WDR37: variants seen among roughly 807,000 people sequenced by gnomAD.
The protein encoded by WDR37 is WD repeat domain 37.
Under a neutral mutation model 62.9 loss-of-function variants are expected in WDR37, and 19 were observed. The ratio of observed to expected loss-of-function variants is 0.30; its 90% CI spans 0.21 to 0.44. The LOEUF (loss-of-function observed/expected upper bound fraction) is 0.44. Ranked by LOEUF, WDR37 falls within the 20% of genes least tolerant of loss-of-function variation. WDR37 has a pLI of 1.00. For synonymous variants in WDR37, 250 were observed against 260.9 expected, an observed-to-expected ratio of 0.96 and a Z score of 0.40; for missense variants, 474 against 657.6, an observed-to-expected ratio of 0.72 and a Z score of 3.05.
chr10:1,065,216 A>T (rs71491337), intron 1 of WDR37, among the ~76,000 whole-genome samples: 22 of 152,198 alleles, frequency 1.4e-4, no homozygotes, highest in Non-Finnish European at 2.6e-4. Context: ...TGTGGTTCTC[A>T]GTGTATGTGT....
At chr10:1,114,844 T>C (rs1411834736) in intron 11 of WDR37, among the ~76,000 whole-genome samples, 3 of 152,240 alleles carry the variant, frequency 2.0e-5, no homozygotes, top group Non-Finnish European at 4.4e-5. Context: ...CCCAGGGGGC[T>C]GAACCCACAC....
At chr10:1,080,969 A>G (rs1482675930) in intron 5 of WDR37, among the ~76,000 whole-genome samples, 1 of 152,104 alleles carries the variant, frequency 6.6e-6, no homozygotes, top group African/African-American at 2.4e-5. Context: ...TAGTACCTAC[A>G]GGGATTAATA....
At chr10:1,077,412 T>G (rs1418945695) in intron 2 of WDR37, among the ~76,000 whole-genome samples, 1 of 152,200 alleles carries the variant, frequency 6.6e-6, no homozygotes, top group African/African-American at 2.4e-5. Flanking sequence ...CAACACTCTT[T>G]TAGGTGTTAT....
chr10:1,078,022 A>C lies in WDR37; in HGVS notation c.235+19A>C, dbSNP rs755541558. 1 of 1,557,374 alleles carries C rather than the reference A, an allele frequency of 6.4e-7. No individual in the cohort carries two copies. Among genetic ancestry groups the C allele is most frequent in the Middle Eastern group, 1.9e-4 (1 of 5,398 alleles). Reference sequence around the variant, plus strand: ...TTAGAATGTGAGTATCTCCTATTTTAATATACTTTTATAGCTTTACCTATC... The same window carrying C: ...TTAGAATGTGAGTATCTCCTATTTTCATATACTTTTATAGCTTTACCTATC... On this transcript the variant is annotated intron_variant, in intron 3 of 13. Coordinates refer to ENST00000263150, the MANE Select transcript of WDR37 (RefSeq NM_014023.4).
chr10:1,079,890 C>G, intron 3 of WDR37, 121 bp from the exon 4 acceptor site: 1 of 711,114 alleles, frequency 1.4e-6, no homozygotes. Flanking sequence ...GAATATTATT[C>G]ATGTCTTTGT....
In WDR37 at chr10:1,121,437, T is replaced by C. The variant is rs1458007124; in HGVS notation, c.1104-2781T>C. On this transcript the variant is annotated intron_variant, in intron 11 of 13. Coordinates refer to ENST00000263150, the MANE Select transcript of WDR37 (RefSeq NM_014023.4). The surrounding 1 kb of genome is among the most constrained non-coding windows in gnomAD (Gnocchi z 4.5). ...CTCACTGAAGCGTGGCAGCGTCTGATTTATAGTCAAGCTCTCATGTTGTTC... is the reference window on the plus strand; with the variant it reads ...CTCACTGAAGCGTGGCAGCGTCTGACTTATAGTCAAGCTCTCATGTTGTTC... 2.0e-5 allele frequency among the ~76,000 whole-genome samples: 3 copies of C among 152,162 alleles called. No individual in the cohort carries two copies. Among genetic ancestry groups the C allele is most frequent in the African/African-American group, 4.8e-5 (2 of 41,440 alleles).
chr10:1,081,261 G>A (rs984930107), intron 5 of WDR37, among the ~76,000 whole-genome samples: 2 of 152,088 alleles, frequency 1.3e-5, no homozygotes, highest in African/African-American at 2.4e-5. Context: ...AAGTGGAAAG[G>A]GTTTAATTGT....
intron 13 of WDR37, among the ~76,000 whole-genome samples, chr10:1,126,817 G>A (rs182632417): frequency 1.7e-3 from 261 of 152,342 alleles, no homozygotes; most frequent in Non-Finnish European, 2.9e-3. Context: ...CCCTGAGACC[G>A]GGTGTCTCTT....
At position 1,127,765 on chromosome 10, in the gene WDR37, G is replaced by A. The variant is rs997119270; in HGVS notation, c.1354-1448G>A. Among the ~76,000 whole-genome samples, 3 of 152,126 alleles carry A rather than the reference G, an allele frequency of 2.0e-5. No individual in the cohort carries two copies. The East Asian group carries it at 5.8e-4, about 29-fold the overall frequency. On this transcript the variant is annotated intron_variant, in intron 13 of 13. Transcript: ENST00000263150. Reference sequence around the variant, plus strand: ...TCCCTGTGATGTGGAGGCCCGTGGGGCCCCGTGCTGAGCGTCCTGGAGCAC... The same window carrying A: ...TCCCTGTGATGTGGAGGCCCGTGGGACCCCGTGCTGAGCGTCCTGGAGCAC...
rs1345664212 is a variant in WDR37, at chr10:1,125,012, G to A, written c.1341G>A (p.Arg447=). 2 of 1,614,210 alleles carry A rather than the reference G, an allele frequency of 1.2e-6. No individual in the cohort carries two copies. The highest frequency in any genetic ancestry group is 1.7e-6 in the Non-Finnish European group (2 of 1,180,034). The change falls in exon 13 of 14, where the codon CGG becomes CGA. Residue 447 remains arginine, a synonymous_variant. Transcript: ENST00000263150. Reference sequence around the variant, plus strand: ...GAGTGCGCCTGGCGCGGCTTCCCCGGAGCAGCCGACAGGTAACAGCACGGT... The same window carrying A: ...GAGTGCGCCTGGCGCGGCTTCCCCGAAGCAGCCGACAGGTAACAGCACGGT... ...MSGVRLARLP[R]SSRQGHRRMV... is the part of the protein sequence containing the mutation.
intron 9 of WDR37, among the ~76,000 whole-genome samples, chr10:1,100,849 C>T (rs1261625651): frequency 2.0e-5 from 3 of 152,182 alleles, no homozygotes; most frequent in Admixed American, 6.5e-5. Flanking sequence ...GGTGACGTAC[C>T]GAGTACCCCC....
intron 13 of WDR37, among the ~76,000 whole-genome samples, chr10:1,127,477 T>G (rs1835828174): frequency 6.6e-6 from 1 of 152,270 alleles, no homozygotes; most frequent in South Asian, 2.1e-4. Flanking sequence ...TATATTGTCC[T>G]TACTTCTTCA....
At chr10:1,058,701 A>T (rs559254716) in intron 1 of WDR37, among the ~76,000 whole-genome samples, 1 of 152,358 alleles carries the variant, frequency 6.6e-6, no homozygotes, top group South Asian at 2.1e-4. Flanking sequence ...AAGCAGGTTA[A>T]TACTGATGAC....
chr10:1,129,173 G>A, intron 13 of WDR37, 40 bp from the exon 14 acceptor site: 1 of 1,602,372 alleles, frequency 6.2e-7, no homozygotes. Context: ...CTTACTTTCG[G>A]GAATAATGCA....
rs1274876129 is a variant in WDR37 at position 1,121,296 on chromosome 10, T to C, written c.1104-2922T>C. On this transcript the variant is annotated intron_variant, in intron 11 of 13. Transcript: ENST00000263150. This position sits in a 1 kb window ranked among gnomAD's most constrained non-coding sequence, Gnocchi z 4.5. ...AATTTAGCAGAATGTTCACTGAAACTTAACTTGGCCAAACCTCCTGAAGAC... is the reference window on the plus strand; with the variant it reads ...AATTTAGCAGAATGTTCACTGAAACCTAACTTGGCCAAACCTCCTGAAGAC... Among the ~76,000 whole-genome samples the C allele has an allele frequency of 6.6e-6, 1 of 152,202 alleles. No individual in the cohort carries two copies. Among genetic ancestry groups the C allele is most frequent in the African/African-American group, 2.4e-5 (1 of 41,460 alleles).
intron 11 of WDR37, among the ~76,000 whole-genome samples, chr10:1,106,539 C>T (rs1391204196): frequency 3.3e-5 from 5 of 152,122 alleles, no homozygotes; most frequent in Admixed American, 6.5e-5. Context: ...TGTTAATAGA[C>T]GGAGTCTCTT....
chr10:1,124,330 C>T lies in WDR37; in HGVS notation c.1216C>T (p.Arg406Cys). The stretch of plus-strand genomic sequence containing the variant: ...TATGAGATCCCCCATTGCAACTATT[C>T]GCACGGACTCTGCCATTAACAGGTA... ...KNMRSPIATI[R>C]TDSAINRINV... The change falls in exon 12 of 14, where the codon CGC becomes TGC. Residue 406 changes from arginine to cysteine, a missense_variant. Arg to Cys is a radical substitution (Grantham distance 180, BLOSUM62 -3). Coordinates refer to ENST00000263150, the MANE Select transcript of WDR37 (RefSeq NM_014023.4). 6.2e-7 allele frequency: 1 copy of T among 1,614,190 alleles called. No individual in the cohort carries two copies. The highest frequency in any genetic ancestry group is 8.5e-7 in the Non-Finnish European group (1 of 1,180,048).
rs1421148706 is a variant in WDR37, at chr10:1,056,709, CGTGACTTCCGGCGCCGCCGGGT to C, written c.-296_-275del. The stretch of plus-strand genomic sequence containing the variant: ...CGGGGCTGCGGGGCGGAAGCCGGGG[CGTGACTTCCGGCGCCGCCGGGT>C]GTGGGGCGGAGGTGTGGGGCGGCTT... On this transcript the variant is annotated 5_prime_UTR_variant, in exon 1 of 14. Coordinates refer to ENST00000263150, the MANE Select transcript of WDR37 (RefSeq NM_014023.4). 6.6e-6 allele frequency: 1 copy of C among 152,294 alleles called. No individual in the cohort carries two copies. Among genetic ancestry groups the C allele is most frequent in the African/African-American group, 2.4e-5 (1 of 41,448 alleles). The allele number at this position is 152,294 out of a possible 1,614,324, so 9.4% of individuals were successfully genotyped here.
At position 1,110,559 on chromosome 10, in the gene WDR37, C is replaced by G. The variant is rs139376446; in HGVS notation, c.1103+5292C>G. On this transcript the variant is annotated intron_variant, in intron 11 of 13. Coordinates refer to ENST00000263150, the MANE Select transcript of WDR37 (RefSeq NM_014023.4). ...GAGGGCCTCGCAGTGCGGTTTAGGTCCTGAGATGTGCGTCCGCGCCCCAGC... is the reference window on the plus strand; with the variant it reads ...GAGGGCCTCGCAGTGCGGTTTAGGTGCTGAGATGTGCGTCCGCGCCCCAGC... 4.9e-4 allele frequency among the ~76,000 whole-genome samples: 75 copies of G among 152,288 alleles called. No homozygotes were observed. In the East Asian group the frequency reaches 0.014, roughly 27 times the overall value.
Sources: gnomAD v4.1 joint callset for allele counts (sites outside exome capture counted in the v4.1 genomes callset) on GRCh38, gnomAD v4.1.1 for gene constraint, Gnocchi (gnomAD v3.1) non-coding constraint, MANE v1.5 for transcripts, NCBI Gene and HGNC (gene_info 2026-07-23, HGNC 2026-07-21) for gene names.